The following AATK variants were observed in gnomAD, a reference collection of about 807,000 sequenced individuals.
AATK encodes the protein serine/threonine-protein kinase LMTK1.
A neutral mutation model predicts 114.3 loss-of-function variants in AATK; 91 were observed. The observed-to-expected ratio is 0.80, with a 90% CI of 0.67 to 0.95. AATK has a LOEUF of 0.95. AATK is among the 40% of genes least tolerant of loss of function. The pLI, the probability that AATK is intolerant of heterozygous loss-of-function variation, is 0.00. For synonymous variants in AATK, 1,075 were observed against 916.5 expected (o/e 1.17, Z -3.12); for missense variants, 2,176 against 1,965.2 (o/e 1.11, Z -2.03).
At chr17:81,140,672 GGA>G (rs201895238) in intron 1 of AATK, among the ~76,000 whole-genome samples, 18,596 of 133,344 alleles carry the variant, frequency 0.14, 1,930 homozygotes, top group African/African-American at 0.21. Context: ...GGGGCCGTGG[GGA>G]CCATGGGGCC....
intron 1 of AATK, among the ~76,000 whole-genome samples, chr17:81,158,055 G>T (rs1253259748): frequency 6.6e-6 from 1 of 152,246 alleles, no homozygotes; most frequent in East Asian, 1.9e-4. Flanking sequence ...TGCCAAGGAG[G>T]AAACGGGCAG....
chr17:81,127,707 A>T (rs1365745657), intron 5 of AATK, 37 bp from the exon 6 acceptor site: 42 of 1,448,944 alleles, frequency 2.9e-5, no homozygotes, highest in Non-Finnish European at 3.6e-5. Flanking sequence ...ACTTGGGAGG[A>T]GGTGGGGAGG....
intron 1 of AATK, among the ~76,000 whole-genome samples, chr17:81,140,642 C>T (rs1414750531): frequency 6.6e-6 from 1 of 150,764 alleles, no homozygotes; most frequent in Admixed American, 6.6e-5. Flanking sequence ...GAATCAGAGA[C>T]CGTGGGGCCG....
At position 81,165,919 on chromosome 17, in the gene AATK, C is replaced by CGCCA. The variant is rs2146436588; in HGVS notation, c.55+18_55+19insTGGC. ...CGGAGGGAGGCAGCGGCGCGCAGGC[C>CGCCA]GGGCCGCCAGGGACTCACCGGGGTC... On this transcript the variant is annotated intron_variant, in intron 1 of 13. Coordinates refer to ENST00000326724, the MANE Select transcript of AATK (RefSeq NM_001080395.3). 1 of 1,570,812 alleles carries CGCCA rather than the reference C, an allele frequency of 6.4e-7. No individual in the cohort carries two copies. Among genetic ancestry groups the CGCCA allele is most frequent in the South Asian group, 1.2e-5 (1 of 85,232 alleles).
intron 9 of AATK, among the ~76,000 whole-genome samples, chr17:81,124,110 C>T (rs1318286362): frequency 1.3e-5 from 2 of 152,114 alleles, no homozygotes; most frequent in African/African-American, 4.8e-5. Context: ...GGGCCTGGCC[C>T]GTGGGATCTG....
rs1420275925 is a variant in AATK, at chr17:81,122,235, G to A, written c.1701C>T (p.Ser567=). 2.7e-6 allele frequency: 4 copies of A among 1,492,456 alleles called. No homozygotes were observed. The highest frequency in any genetic ancestry group is 2.5e-5 in the East Asian group (1 of 39,532). The allele number at this position is 1,492,456 out of a possible 1,614,324, so 92.5% of individuals were successfully genotyped here. A position where few individuals can be genotyped will look rare whatever the true frequency, so the allele number is the denominator to read the frequency against. Residue 567 remains serine (S), a synonymous_variant, in exon 11 of 14, where the codon AGC becomes AGT. Coordinates refer to ENST00000326724, the MANE Select transcript of AATK (RefSeq NM_001080395.3). The part of the protein sequence containing the change: ...TADQDDDSDG[S]TAASLAMEPL... ...GCTCCATGGCCAGCGAGGCGGCGGT[G>A]CTGCCGTCAGAGTCGTCGTCCTGGT...
At chr17:81,124,244 T>TGCC (rs2060756611) in intron 9 of AATK, among the ~76,000 whole-genome samples, 1 of 150,944 alleles carries the variant, frequency 6.6e-6, no homozygotes, top group East Asian at 2.0e-4. Flanking sequence ...CCCTGGCGGC[T>TGCC]CGGCCCTGCC....
chr17:81,144,110 G>A (rs2061181538), intron 1 of AATK, among the ~76,000 whole-genome samples: 1 of 152,194 alleles, frequency 6.6e-6, no homozygotes, highest in African/African-American at 2.4e-5. Context: ...CTGCTAAGTG[G>A]CTAAGTGCAC....
At chr17:81,122,846 C>T in intron 10 of AATK, 23 bp from the exon 11 acceptor site, 1 of 1,441,760 alleles carries the variant, frequency 6.9e-7, no homozygotes, top group African/African-American at 1.5e-5. Flanking sequence ...CCCCCGGGGG[C>T]CACGTCAGAG....
rs776230011 is a variant in AATK, at chr17:81,121,190, C to T, written c.2746G>A (p.Gly916Ser). The stretch of plus-strand genomic sequence containing the variant: ...GCCGACGGGCTGAAGACCTCATAGC[C>T]ACCATCACTGGCTGAGGACGGGATG... ...LDIPSSASDG[G>S]YEVFSPSATG... Residue 916 changes from glycine (G) to serine (S), a missense_variant, in exon 11 of 14, where the codon GGC becomes AGC. Coordinates refer to ENST00000326724, the MANE Select transcript of AATK (RefSeq NM_001080395.3). 5 of 1,603,704 alleles carry T rather than the reference C, an allele frequency of 3.1e-6. No individual in the cohort carries two copies. In the South Asian group the frequency reaches 4.5e-5, roughly 14 times the overall value.
chr17:81,163,172 C>T lies in AATK; in HGVS notation c.55+2766G>A, dbSNP rs369903316. Among the ~76,000 whole-genome samples, 735 of 152,314 alleles carry T rather than the reference C, an allele frequency of 4.8e-3. 1 individual carries two copies. The highest frequency in any genetic ancestry group is 0.014 in the Middle Eastern group (4 of 294). ...GAGCGCGCCTCTCCAGAAGCCGGAG[C>T]GAGGCGGTGTCCCCATGCCCACTTC... On this transcript the variant is annotated intron_variant, in intron 1 of 13. Coordinates refer to ENST00000326724, the MANE Select transcript of AATK (RefSeq NM_001080395.3).
intron 7 of AATK, chr17:81,125,759 C>T (rs80116652): frequency 0.062 from 22,968 of 369,134 alleles, 927 homozygotes; most frequent in South Asian, 0.11. Flanking sequence ...AAACCCATGT[C>T]TGCGTGCCAG....
At position 81,119,162 on chromosome 17, in the gene AATK, T is replaced by C. The variant is rs140814326; in HGVS notation, c.4084+218A>G. Among the ~76,000 whole-genome samples the C allele has an allele frequency of 5.1e-3, 216 of 42,596 alleles. 1 individual carries two copies. Among genetic ancestry groups the C allele is most frequent in the Middle Eastern group, 0.059 (2 of 34 alleles). 27.9% of individuals were successfully genotyped at this position (42,596 alleles called of 152,430 possible). On this transcript the variant is annotated intron_variant, in intron 13 of 13. Coordinates refer to ENST00000326724, the MANE Select transcript of AATK (RefSeq NM_001080395.3). ...GGGCCAGGTGAGGGTCAGGTGAGGG[T>C]CAGGTGAGGGTCAGGTGAGGGTCAG...
intron 1 of AATK, among the ~76,000 whole-genome samples, chr17:81,164,597 A>G (rs9905122): frequency 0.35 from 52,616 of 152,230 alleles, 9,333 homozygotes; most frequent in Non-Finnish European, 0.39. Context: ...ATGGCCAAGG[A>G]CAAGGCTGGG....
intron 1 of AATK, among the ~76,000 whole-genome samples, chr17:81,155,391 TTATTA>T (rs771020231): frequency 1.8e-5 from 2 of 111,314 alleles, no homozygotes; most frequent in South Asian, 2.8e-4. Flanking sequence ...ATTATTATTA[TTATTA>T]TTATTTTTTG....
At position 81,165,565 on chromosome 17, in the gene AATK, C is replaced by T. The variant is rs780920961; in HGVS notation, c.55+373G>A. ...GCCAGGGCCCCGGACCCAGGAGAGG[C>T]CATGGAAAGCCTGAACCCCAGCTGG... On this transcript the variant is annotated intron_variant, in intron 1 of 13. Transcript: ENST00000326724. 3.4e-5 allele frequency: 39 copies of T among 1,154,452 alleles called. No homozygotes were observed. The South Asian group carries it at 4.5e-4, about 13-fold the overall frequency. 71.5% of individuals were successfully genotyped at this position (1,154,452 alleles called of 1,614,324 possible). A position where few individuals can be genotyped will look rare whatever the true frequency, so the allele number is the denominator to read the frequency against.
chr17:81,122,922 G>A (rs1443750519), intron 10 of AATK, 99 bp from the exon 11 acceptor site: 3 of 1,127,412 alleles, frequency 2.7e-6, no homozygotes, highest in Non-Finnish European at 3.6e-6. Context: ...CAGTGTCTTG[G>A]GGGCATTAAG....
At position 81,121,982 on chromosome 17, in the gene AATK, C is replaced by G. The variant is rs1014674990; in HGVS notation, c.1954G>C (p.Gly652Arg). The change falls in exon 11 of 14, where the codon GGG becomes CGG. Residue 652 changes from glycine (G) to arginine (R), a missense_variant. By Grantham distance (125) the Gly-to-Arg change is moderately radical (BLOSUM62 -2). Coordinates refer to ENST00000326724, the MANE Select transcript of AATK (RefSeq NM_001080395.3). ...CCAGTCAGCGGCAGCGGGGGCGCCC[C>G]TGAGCTCCCCAAAGGGGACGTGCCC... ...PLGTSPLGSS[G>R]APPLPLTGED... The G allele has an allele frequency of 1.2e-6, 2 of 1,601,350 alleles. No individual in the cohort carries two copies. The highest frequency in any genetic ancestry group is 1.7e-6 in the Non-Finnish European group (2 of 1,178,542).
intron 1 of AATK, among the ~76,000 whole-genome samples, chr17:81,138,845 C>T (rs540295270): frequency 4.6e-5 from 7 of 151,294 alleles, no homozygotes; most frequent in African/African-American, 9.7e-5. Flanking sequence ...CACCCCCACG[C>T]GTGCAGATAA....
Sources: allele counts gnomAD v4.1 joint callset (sites outside exome capture counted in the v4.1 genomes callset), GRCh38; gene constraint gnomAD v4.1.1; transcripts MANE v1.5; gene names NCBI Gene and HGNC (gene_info 2026-07-23, HGNC 2026-07-21).